ERG: variants seen among roughly 807,000 people sequenced by gnomAD.
ERG encodes ETS transcription factor ERG.
ERG carries 9 observed loss-of-function variants against 55.3 expected under a neutral mutation model. The ratio of observed to expected loss-of-function variants is 0.16; its 90% CI spans 0.10 to 0.28. ERG has a LOEUF of 0.28. Among genes scored for constraint, ERG ranks in the 10% least tolerant of loss-of-function variants. The pLI, the probability that ERG is intolerant of heterozygous loss-of-function variation, is 1.00. For synonymous variants in ERG, 223 were observed against 237.3 expected, an observed-to-expected ratio of 0.94 and a Z score of 0.55; for missense variants, 434 against 631.6, an observed-to-expected ratio of 0.69 and a Z score of 3.35.
chr21:38,498,781 G>A (rs985547119), upstream of ERG, among the ~76,000 whole-genome samples: 4 of 152,130 alleles, frequency 2.6e-5, no homozygotes, highest in Admixed American at 1.3e-4. This position sits in a 1 kb window ranked among gnomAD's most constrained non-coding sequence, Gnocchi z 4.6. Flanking sequence ...GGCTTCACAC[G>A]GGCTGCAAGC....
intron 1 of ERG, among the ~76,000 whole-genome samples, chr21:38,627,278 A>G (rs2060330639): frequency 6.6e-6 from 1 of 152,214 alleles, no homozygotes; most frequent in African/African-American, 2.4e-5. Flanking sequence ...CAAGACATTA[A>G]TGTAAAACTA....
At chr21:38,609,347 G>A (rs1272189646) in intron 1 of ERG, among the ~76,000 whole-genome samples, 1 of 151,736 alleles carries the variant, frequency 6.6e-6, no homozygotes, top group African/African-American at 2.4e-5. Context: ...TTCTAAAAAC[G>A]ACATAGTAAA....
intron 2 of ERG, among the ~76,000 whole-genome samples, chr21:38,520,006 C>G (rs971184150): frequency 6.6e-6 from 1 of 150,670 alleles, no homozygotes; most frequent in East Asian, 2.0e-4. Flanking sequence ...CACACACATA[C>G]AGACACACAC....
intron 1 of ERG, among the ~76,000 whole-genome samples, chr21:38,454,052 A>G (rs1372757020): frequency 6.6e-6 from 1 of 152,192 alleles, no homozygotes; most frequent in African/African-American, 2.4e-5. Context: ...ACATCCTTCT[A>G]AGAGGGCTGT....
chr21:38,593,793 A>G (rs935694095), intron 1 of ERG, among the ~76,000 whole-genome samples: 9 of 152,232 alleles, frequency 5.9e-5, no homozygotes, highest in African/African-American at 2.2e-4. Context: ...GTCATATTAA[A>G]GAGAGATTAC....
chr21:38,435,575 C>T (rs9979478), intron 2 of ERG, among the ~76,000 whole-genome samples: 138,376 of 152,270 alleles, frequency 0.91, 62,905 homozygotes, highest in East Asian at 0.96. Context: ...GTCCTGTTCC[C>T]TCCCCCTTCC....
intron 3 of ERG, among the ~76,000 whole-genome samples, chr21:38,419,096 G>C (rs1989422445): frequency 6.6e-6 from 1 of 152,092 alleles, no homozygotes; most frequent in African/African-American, 2.4e-5. Context: ...TTGGGTTTAC[G>C]ACAGTGTAAG....
chr21:38,380,141 T>G lies in ERG; in HGVS notation c.*3262A>C. 9.6e-7 allele frequency: 1 copy of G among 1,037,160 alleles called. No homozygotes were observed. The highest frequency in any genetic ancestry group is 1.2e-6 in the Non-Finnish European group (1 of 861,554). 64.2% of individuals were successfully genotyped at this position (1,037,160 alleles called of 1,614,324 possible). On this transcript the variant is annotated 3_prime_UTR_variant, in exon 10 of 10. Coordinates refer to ENST00000288319, the MANE Select transcript of ERG (RefSeq NM_182918.4). ...ATAAACTAGCTTTTTAAAAAATATT[T>G]TCTTCTCTTTCTCCAGGCAATGGGT...
At chr21:38,496,015 C>T (rs565573029) in intron 1 of ERG, among the ~76,000 whole-genome samples, 1 of 152,310 alleles carries the variant, frequency 6.6e-6, no homozygotes, top group South Asian at 2.1e-4. Flanking sequence ...TTAAAATTCA[C>T]AGACACTTAG....
chr21:38,370,330 T>C, the ERG span, among the ~76,000 whole-genome samples: 1 of 152,088 alleles, frequency 6.6e-6, no homozygotes, highest in African/African-American at 2.4e-5. Context: ...GTTACTAGTG[T>C]TTTGCAGGTG....
At chr21:38,504,454 CT>C (rs1206401604) in intron 2 of ERG, among the ~76,000 whole-genome samples, 1 of 152,158 alleles carries the variant, frequency 6.6e-6, no homozygotes, top group African/African-American at 2.4e-5. Context: ...AGAAAGAAAC[CT>C]AAGAGGAGAG....
intron 1 of ERG, among the ~76,000 whole-genome samples, chr21:38,464,904 T>A (rs2059075098): frequency 6.6e-6 from 1 of 152,214 alleles, no homozygotes; most frequent in African/African-American, 2.4e-5. Flanking sequence ...TCATCCTTTT[T>A]TATGGCTGCA....
At chr21:38,532,038 G>A (rs1290702014) in intron 2 of ERG, among the ~76,000 whole-genome samples, 2 of 152,114 alleles carry the variant, frequency 1.3e-5, no homozygotes, top group Non-Finnish European at 2.9e-5. Flanking sequence ...AAATTGTGTT[G>A]GTGTATAAAT....
intron 1 of ERG, among the ~76,000 whole-genome samples, chr21:38,487,258 C>A (rs916335892): frequency 3.3e-5 from 5 of 150,392 alleles, no homozygotes; most frequent in African/African-American, 9.8e-5. Context: ...CAAAAAAAAT[C>A]AAAAAAGAAT....
chr21:38,601,313 A>G (rs962045347), intron 1 of ERG, among the ~76,000 whole-genome samples: 1 of 152,188 alleles, frequency 6.6e-6, no homozygotes, highest in African/African-American at 2.4e-5. Context: ...AAATACCTAC[A>G]ACGTTTTACA....
intron 1 of ERG, among the ~76,000 whole-genome samples, chr21:38,595,699 T>C (rs1045200463): frequency 6.6e-6 from 1 of 152,068 alleles, no homozygotes; most frequent in Middle Eastern, 3.4e-3. Context: ...ATGGAGACTG[T>C]GATGAAGAAT....
At chr21:38,369,920 G>T in the ERG span, among the ~76,000 whole-genome samples, 4 of 152,154 alleles carry the variant, frequency 2.6e-5, no homozygotes, top group African/African-American at 9.7e-5. Context: ...TCCAAGATCA[G>T]ATGGTTGTAA....
downstream of ERG, among the ~76,000 whole-genome samples, chr21:38,375,253 G>A (rs1180374264): frequency 4.6e-5 from 7 of 152,174 alleles, no homozygotes; most frequent in Admixed American, 2.0e-4. Context: ...GAGCCACTGT[G>A]CTGTTTTACC....
At chr21:38,540,220 T>G (rs939566510) in intron 2 of ERG, among the ~76,000 whole-genome samples, 2 of 152,146 alleles carry the variant, frequency 1.3e-5, no homozygotes, top group African/African-American at 4.8e-5. Flanking sequence ...TCAAACATAT[T>G]TGGTTTCTTA....
Sources: gnomAD v4.1 joint callset for allele counts (sites outside exome capture counted in the v4.1 genomes callset) on GRCh38, gnomAD v4.1.1 for gene constraint, Gnocchi (gnomAD v3.1) non-coding constraint, MANE v1.5 for transcripts, NCBI Gene and HGNC (gene_info 2026-07-23, HGNC 2026-07-21) for gene names.